The following AHCTF1 variants were observed in gnomAD, a reference collection of about 807,000 sequenced individuals.
The protein encoded by AHCTF1 is AT-hook containing transcription factor 1.
In AHCTF1, 24 loss-of-function variants were observed where a neutral mutation model predicts 248.4. That is an observed-to-expected ratio of 0.10 (90% confidence interval 0.07 to 0.14). The LOEUF (loss-of-function observed/expected upper bound fraction) is 0.14. Ranked by LOEUF, AHCTF1 falls within the 10% of genes least tolerant of loss-of-function variation. The pLI is 1.00. For synonymous variants in AHCTF1, 786 were observed against 929.8 expected (o/e 0.85, Z 2.81); for missense variants, 2,206 against 2,636.2 (o/e 0.84, Z 3.57).
intron 8 of AHCTF1, among the ~76,000 whole-genome samples, chr1:246,902,107 G>A (rs888225845): frequency 2.6e-5 from 4 of 152,082 alleles, no homozygotes. Context: ...GCTGGATTAC[G>A]ATAATCTTGG....
At chr1:246,849,110 C>T (rs531639802) in intron 33 of AHCTF1, among the ~76,000 whole-genome samples, 1 of 152,260 alleles carries the variant, frequency 6.6e-6, no homozygotes, top group Admixed American at 6.5e-5. Context: ...GTCCTTAGCT[C>T]GTGACAATGA....
chr1:246,845,791 C>T (rs1338166927), intron 33 of AHCTF1, among the ~76,000 whole-genome samples: 2 of 152,120 alleles, frequency 1.3e-5, no homozygotes, highest in Admixed American at 6.6e-5. Context: ...TGTGTCCTAG[C>T]AAATGACTCT....
intron 4 of AHCTF1, among the ~76,000 whole-genome samples, chr1:246,912,861 G>A (rs1665904229): frequency 6.6e-6 from 1 of 151,882 alleles, no homozygotes; most frequent in Non-Finnish European, 1.5e-5. Flanking sequence ...TACATTGCTG[G>A]GTAATTTCAT....
At chr1:246,892,548 T>TGAC (rs1032486486) in intron 14 of AHCTF1, among the ~76,000 whole-genome samples, 4 of 152,240 alleles carry the variant, frequency 2.6e-5, no homozygotes, top group African/African-American at 9.6e-5. Flanking sequence ...CTCGAACTCC[T>TGAC]GACCTCAGGT....
chr1:246,862,176 T>A (rs1255868470), intron 27 of AHCTF1, 23 bp from the exon 28 acceptor site: 1 of 1,588,684 alleles, frequency 6.3e-7, no homozygotes. Flanking sequence ...GCAAATGGAA[T>A]TACACCATTA....
chr1:246,907,946 C>G (rs551339399), intron 4 of AHCTF1, among the ~76,000 whole-genome samples, 188 bp from the exon 5 acceptor site: 69 of 152,092 alleles, frequency 4.5e-4, no homozygotes, highest in African/African-American at 1.6e-3. Flanking sequence ...ATTTAAATGC[C>G]ACAATTTAAA....
At chr1:246,917,564 C>T (rs1248007079) in intron 2 of AHCTF1, among the ~76,000 whole-genome samples, 4 of 152,122 alleles carry the variant, frequency 2.6e-5, no homozygotes, top group Non-Finnish European at 5.9e-5. Context: ...AGTTTTACAC[C>T]ACTCCAATGA....
At chr1:246,867,103 G>T in intron 26 of AHCTF1, 141 bp downstream of exon 26, 2 of 542,672 alleles carry the variant, frequency 3.7e-6, no homozygotes, top group Non-Finnish European at 6.2e-6. Context: ...AATTACTGCT[G>T]CCCAAAGTAT....
intron 1 of AHCTF1, chr1:246,931,289 G>C: frequency 1.9e-6 from 3 of 1,547,868 alleles, no homozygotes; most frequent in South Asian, 1.2e-5. Flanking sequence ...CCCGACTGCC[G>C]GCGCAGGACG....
At chr1:246,922,707 G>A (rs1572473398) in intron 1 of AHCTF1, among the ~76,000 whole-genome samples, 1 of 151,436 alleles carries the variant, frequency 6.6e-6, no homozygotes, top group South Asian at 2.1e-4. Context: ...AATAGGCTGG[G>A]CGCAGTGGCT....
At chr1:246,917,330 T>C (rs567853335) in intron 2 of AHCTF1, among the ~76,000 whole-genome samples, 1 of 152,298 alleles carries the variant, frequency 6.6e-6, no homozygotes, top group Non-Finnish European at 1.5e-5. Flanking sequence ...AGCAACCAGA[T>C]GAATGGTAAC....
Position 246,851,305 on chromosome 1 carries a change from T to G in AHCTF1, c.4701A>C (p.Leu1567Phe). 6.2e-7 allele frequency: 1 copy of G among 1,614,112 alleles called. No homozygotes were observed. The highest frequency in any genetic ancestry group is 8.5e-7 in the Non-Finnish European group (1 of 1,179,974). Residue 1567 changes from leucine (L) to phenylalanine (F), a missense_variant, in exon 33 of 36, where the codon TTA (leucine) becomes TTC (phenylalanine). Transcript: ENST00000648844. ...FDTIDQQFCD[L>F]ADNKDTAECD... ...ATTCAGCAGTGTCTTTGTTATCAGC[T>G]AAGTCACAAAACTGTTGGTCAATAG... is the stretch of plus-strand genomic sequence containing the variant.
chr1:246,885,813 A>T, intron 20 of AHCTF1, 133 bp from the exon 21 acceptor site: 1 of 835,056 alleles, frequency 1.2e-6, no homozygotes, highest in Admixed American at 2.8e-5. Flanking sequence ...AATCTACTTT[A>T]ATCTGTGCTA....
chr1:246,913,012 T>C (rs1482514235), intron 4 of AHCTF1, among the ~76,000 whole-genome samples: 2 of 152,108 alleles, frequency 1.3e-5, no homozygotes, highest in African/African-American at 2.4e-5. Flanking sequence ...TGAGAACATA[T>C]GAACACCTGA....
intron 26 of AHCTF1, among the ~76,000 whole-genome samples, chr1:246,866,257 C>CT (rs1661969728): frequency 6.6e-6 from 1 of 152,034 alleles, no homozygotes; most frequent in Non-Finnish European, 1.5e-5. Context: ...CTTTCAACTT[C>CT]TATTATTGCT....
At chr1:246,902,418 C>T in intron 8 of AHCTF1, 107 bp downstream of exon 8, 2 of 1,359,312 alleles carry the variant, frequency 1.5e-6, no homozygotes, top group Non-Finnish European at 2.0e-6. Flanking sequence ...CCGTTAATTA[C>T]TATTCCAATT....
intron 1 of AHCTF1, among the ~76,000 whole-genome samples, chr1:246,921,871 G>T (rs763983669): frequency 6.6e-6 from 1 of 152,202 alleles, no homozygotes; most frequent in African/African-American, 2.4e-5. Context: ...ATAGAGATCA[G>T]ATAGAAGGTC....
chr1:246,907,458 T>A, intron 5 of AHCTF1, 93 bp downstream of exon 5: 1 of 1,130,980 alleles, frequency 8.8e-7, no homozygotes, highest in East Asian at 2.5e-5. Flanking sequence ...CACCCTTTTC[T>A]CACTATGCTA....
At chr1:246,868,209 A>C (rs920414294) in intron 24 of AHCTF1, among the ~76,000 whole-genome samples, 54 of 151,050 alleles carry the variant, frequency 3.6e-4, no homozygotes, top group Non-Finnish European at 6.6e-4. Flanking sequence ...GCTCACTGCA[A>C]CCTCTGCCTG....
Sources: allele counts gnomAD v4.1 joint callset (sites outside exome capture counted in the v4.1 genomes callset), GRCh38; gene constraint gnomAD v4.1.1; transcripts MANE v1.5; gene names NCBI Gene and HGNC (gene_info 2026-07-23, HGNC 2026-07-21).